The following SLC9A9 variants were observed in gnomAD, a reference collection of about 807,000 sequenced individuals.
SLC9A9 encodes solute carrier family 9 member A9.
In SLC9A9, 62 loss-of-function variants were observed where a neutral mutation model predicts 77.8. The observed-to-expected ratio is 0.80, with a 90% CI of 0.65 to 0.98. The LOEUF is 0.98. Among genes scored for constraint, SLC9A9 ranks in the 50% least tolerant of loss-of-function variants. The pLI is 0.00. For missense variants in SLC9A9, 775 were observed against 774.9 expected, an observed-to-expected ratio of 1.00 and a Z score of 0.00; for synonymous variants, 320 against 283.5, an observed-to-expected ratio of 1.13 and a Z score of -1.29.
At chr3:143,291,408 G>T (rs1300629064) in intron 14 of SLC9A9, among the ~76,000 whole-genome samples, 1 of 152,190 alleles carries the variant, frequency 6.6e-6, no homozygotes, top group African/African-American at 2.4e-5. Flanking sequence ...AAGGCCGGGA[G>T]GCAGGGTTTA....
chr3:143,349,757 A>C (rs193238987), intron 14 of SLC9A9, among the ~76,000 whole-genome samples: 49 of 152,336 alleles, frequency 3.2e-4, no homozygotes, highest in South Asian at 2.3e-3. Flanking sequence ...ACATCAGTTA[A>C]CCTGGCGGTT....
intron 12 of SLC9A9, among the ~76,000 whole-genome samples, chr3:143,397,068 C>T (rs1451191360): frequency 6.6e-6 from 1 of 152,200 alleles, no homozygotes; most frequent in Non-Finnish European, 1.5e-5. Flanking sequence ...AAGTACTTAG[C>T]TCTGCCAAGA....
At chr3:143,652,171 T>C in intron 6 of SLC9A9, 84 bp downstream of exon 6, 3 of 1,122,292 alleles carry the variant, frequency 2.7e-6, no homozygotes, top group Non-Finnish European at 4.0e-6. Context: ...AGACTGCCCG[T>C]ATCTCTGTGA....
intron 4 of SLC9A9, among the ~76,000 whole-genome samples, chr3:143,697,357 C>T (rs1191613563): frequency 1.3e-5 from 2 of 152,044 alleles, no homozygotes; most frequent in African/African-American, 2.4e-5. Context: ...GATGACTCCT[C>T]CTTTTTGCTT....
chr3:143,578,750 G>A lies in SLC9A9; in HGVS notation c.756-27C>T, dbSNP rs571710856. 15 of 1,613,578 alleles carry A rather than the reference G, an allele frequency of 9.3e-6. 1 individual carries two copies. The South Asian group carries it at 1.4e-4, about 15-fold the overall frequency. On this transcript the variant is annotated intron_variant, in intron 6 of 15. Transcript: ENST00000316549. ...TGAAAAGAGAAGAGGGTGGAGGTTAGTTAGTGACTTTCATCTCATAGCCCA... is the reference window on the plus strand; with the variant it reads ...TGAAAAGAGAAGAGGGTGGAGGTTAATTAGTGACTTTCATCTCATAGCCCA...
intron 4 of SLC9A9, among the ~76,000 whole-genome samples, chr3:143,760,992 A>G (rs796853058): frequency 3.3e-5 from 5 of 152,316 alleles, no homozygotes; most frequent in African/African-American, 1.2e-4. Flanking sequence ...ATCAAAACAG[A>G]GACACAGACC....
intron 11 of SLC9A9, among the ~76,000 whole-genome samples, chr3:143,474,703 G>A (rs1021305254): frequency 6.6e-6 from 1 of 151,972 alleles, no homozygotes; most frequent in African/African-American, 2.4e-5. Flanking sequence ...GATTAGATAT[G>A]AGTGTGGAGT....
At chr3:143,844,721 CTTTCTTTCTTTCT>C (rs2009787552) in intron 1 of SLC9A9, among the ~76,000 whole-genome samples, 1 of 30,462 alleles carries the variant, frequency 3.3e-5, no homozygotes, top group African/African-American at 1.8e-4. Flanking sequence ...CTCTTTCTTT[CTTTCTTTCTTTCT>C]TTCTTTCTTT....
chr3:143,807,790 G>A (rs1365676884), intron 2 of SLC9A9, among the ~76,000 whole-genome samples: 1 of 151,172 alleles, frequency 6.6e-6, no homozygotes, highest in Non-Finnish European at 1.5e-5. Flanking sequence ...TGTGTGTTCA[G>A]AAACCCAAAG....
At chr3:143,354,945 C>G (rs2032549286) in intron 14 of SLC9A9, among the ~76,000 whole-genome samples, 1 of 152,136 alleles carries the variant, frequency 6.6e-6, no homozygotes, top group African/African-American at 2.4e-5. Context: ...GTATTGCTTT[C>G]ATTGTGGAAG....
At chr3:143,726,499 G>A (rs935615976) in intron 4 of SLC9A9, among the ~76,000 whole-genome samples, 1 of 152,062 alleles carries the variant, frequency 6.6e-6, no homozygotes, top group African/African-American at 2.4e-5. Context: ...AAAAAAGTAG[G>A]GAATACCACC....
At chr3:143,528,910 G>T (rs1205186968) in intron 9 of SLC9A9, among the ~76,000 whole-genome samples, 1 of 152,120 alleles carries the variant, frequency 6.6e-6, no homozygotes. Flanking sequence ...TGATCTTCAT[G>T]ACTTATAAGT....
At chr3:143,405,729 CG>C (rs1404508978) in intron 12 of SLC9A9, among the ~76,000 whole-genome samples, 1 of 152,102 alleles carries the variant, frequency 6.6e-6, no homozygotes, top group Non-Finnish European at 1.5e-5. Context: ...AGCTCTCTGA[CG>C]GGGAACAGGA....
At position 143,493,819 on chromosome 3, in the gene SLC9A9, A is replaced by G. The variant is rs551747709; in HGVS notation, c.1204-55T>C. 1.6e-5 allele frequency: 20 copies of G among 1,281,238 alleles called. No homozygotes were observed. The African/African-American group carries it at 2.6e-4, about 17-fold the overall frequency. The allele number at this position is 1,281,238 out of a possible 1,614,324, so 79.4% of individuals were successfully genotyped here. A position where few individuals can be genotyped will look rare whatever the true frequency, so the allele number is the denominator to read the frequency against. ...AAAGTGTTGCTGCAATGATGGTTTGAATCCTTGAGCTTAAATATTATGTCC... is the reference window on the plus strand; with the variant it reads ...AAAGTGTTGCTGCAATGATGGTTTGGATCCTTGAGCTTAAATATTATGTCC... On this transcript the variant is annotated intron_variant, in intron 10 of 15. Transcript: ENST00000316549.
chr3:143,369,435 T>C (rs1328845450), intron 13 of SLC9A9, among the ~76,000 whole-genome samples: 1 of 152,066 alleles, frequency 6.6e-6, no homozygotes, highest in Non-Finnish European at 1.5e-5. Flanking sequence ...TGTAGCACTG[T>C]GGGGTGAATA....
At chr3:143,531,707 G>GA (rs2036512733) in intron 9 of SLC9A9, among the ~76,000 whole-genome samples, 1 of 152,102 alleles carries the variant, frequency 6.6e-6, no homozygotes, top group Admixed American at 6.5e-5. Flanking sequence ...TAATGAAAGA[G>GA]AACAATATCA....
Position 143,624,142 on chromosome 3 carries a change from A to T in SLC9A9, c.755+28113T>A, listed in dbSNP as rs200869554. On this transcript the variant is annotated intron_variant, in intron 6 of 15. Coordinates refer to ENST00000316549, the MANE Select transcript of SLC9A9 (RefSeq NM_173653.4). ...TAATTAATAGCTTACCAACCAAAAA[A>T]AGTTCAGGACCAGATGGATTCACAG... Among the ~76,000 whole-genome samples the T allele has an allele frequency of 1.3e-4, 20 of 152,276 alleles. No homozygotes were observed. The East Asian group carries it at 3.5e-3, about 26-fold the overall frequency.
chr3:143,625,351 C>A (rs1180759711), intron 6 of SLC9A9, among the ~76,000 whole-genome samples: 5 of 152,186 alleles, frequency 3.3e-5, no homozygotes, highest in African/African-American at 7.2e-5. Context: ...ATCATGCTAC[C>A]TGACTTCAAA....
At chr3:143,707,397 CA>C (rs1324814277) in intron 4 of SLC9A9, among the ~76,000 whole-genome samples, 21 of 152,010 alleles carry the variant, frequency 1.4e-4, no homozygotes, top group East Asian at 7.7e-4. Context: ...CACACACACA[CA>C]CACCCCAGCT....
Sources: allele counts gnomAD v4.1 joint callset (sites outside exome capture counted in the v4.1 genomes callset), GRCh38; gene constraint gnomAD v4.1.1; transcripts MANE v1.5; gene names NCBI Gene and HGNC (gene_info 2026-07-23, HGNC 2026-07-21).